GPX4: variants seen among roughly 807,000 people sequenced by gnomAD.
The protein encoded by GPX4 is phospholipid hydroperoxide glutathione peroxidase GPX4.
In GPX4, 28 loss-of-function variants were observed where a neutral mutation model predicts 27.8. The observed-to-expected ratio is 1.01, with a 90% CI of 0.75 to 1.38. GPX4 has a LOEUF of 1.38. Among genes scored for constraint, GPX4 ranks in the 40% most tolerant of loss-of-function variants. The pLI is 0.00. For synonymous variants in GPX4, 163 were observed against 107.8 expected, an observed-to-expected ratio of 1.51 and a Z score of -3.17; for missense variants, 357 against 274.1, an observed-to-expected ratio of 1.30 and a Z score of -2.14.
At chr19:1,106,515 C>T (rs761444591) in intron 6 of GPX4, 25 bp from the exon 7 acceptor site, 2 of 1,611,356 alleles carry the variant, frequency 1.2e-6, no homozygotes, top group Non-Finnish European at 1.7e-6. Flanking sequence ...GGTAGCTGCC[C>T]TAACCCAGCT....
rs567653875 is a variant in GPX4 at position 1,104,094 on chromosome 19, G to T, written c.51G>T (p.Gly17=). 6.6e-6 allele frequency: 10 copies of T among 1,510,992 alleles called. No homozygotes were observed. In the South Asian group the frequency reaches 7.4e-5, roughly 11 times the overall value. The allele number at this position is 1,510,992 out of a possible 1,614,324, so 93.6% of individuals were successfully genotyped here. A position where few individuals can be genotyped will look rare whatever the true frequency, so the allele number is the denominator to read the frequency against. Residue 17 remains glycine (G), a synonymous_variant, in exon 1 of 7, where the codon GGG becomes GGT. Transcript: ENST00000354171. ...CRLLKPALLC[G]ALAAPGLAGT... ...TACTGAAGCCGGCGCTGCTCTGTGG[G>T]GCTCTGGCCGCGCCTGGCCTGGCCG...
In GPX4 at chr19:1,105,475, A is replaced by G; in HGVS notation, c.289A>G (p.Ile97Val). The G allele has an allele frequency of 6.2e-7, 1 of 1,612,366 alleles. No homozygotes were observed. Among genetic ancestry groups the G allele is most frequent in the South Asian group, 1.1e-5 (1 of 91,076 alleles). ...CCGATACGCTGAGTGTGGTTTGCGGATCCTGGCCTTCCCGTGTAACCAGTT... is the reference window on the plus strand; with the variant it reads ...CCGATACGCTGAGTGTGGTTTGCGGGTCCTGGCCTTCCCGTGTAACCAGTT... ...HARYAECGLR[I>V]LAFPCNQFGK... Residue 97 changes from isoleucine (I) to valine (V), a missense_variant, in exon 3 of 7, where the codon ATC becomes GTC. Transcript: ENST00000354171.
In GPX4 at chr19:1,106,673, C is replaced by A; in HGVS notation, c.*101C>A. On this transcript the variant is annotated 3_prime_UTR_variant, in exon 7 of 7. Coordinates refer to ENST00000354171, the MANE Select transcript of GPX4 (RefSeq NM_002085.5). The stretch of plus-strand genomic sequence containing the variant: ...CCTGCAAACCTGCTGGTGGGGCAGA[C>A]CCGAAAATCCAGCGTGCACCCCGCC... 1 of 1,518,028 alleles carries A rather than the reference C, an allele frequency of 6.6e-7. No homozygotes were observed. The highest frequency in any genetic ancestry group is 9.0e-7 in the Non-Finnish European group (1 of 1,114,056). The allele number at this position is 1,518,028 out of a possible 1,614,324, so 94.0% of individuals were successfully genotyped here. A position where few individuals can be genotyped will look rare whatever the true frequency, so the allele number is the denominator to read the frequency against.
At chr19:1,104,892 G>C (rs368897080) in intron 1 of GPX4, 1 of 1,335,326 alleles carries the variant, frequency 7.5e-7, no homozygotes, top group African/African-American at 1.5e-5. Context: ...CGCAGCTTGC[G>C]ACCGGAGATC....
intron 1 of GPX4, chr19:1,104,531 G>C: frequency 1.5e-6 from 1 of 668,124 alleles, no homozygotes; most frequent in Non-Finnish European, 1.9e-6. Flanking sequence ...TCCGGGCCGA[G>C]CGGGGCTGCT....
rs953182136 is a variant in GPX4, at chr19:1,104,236, G to T, written c.84+109G>T. ...ACCCTCAGGCTCCAGTGACCTTGGT[G>T]GGGGGCGTCTGGGGGCTCCCCCTCC... On this transcript the variant is annotated intron_variant, in intron 1 of 6. Coordinates refer to ENST00000354171, the MANE Select transcript of GPX4 (RefSeq NM_002085.5). 1.2e-5 allele frequency: 12 copies of T among 998,228 alleles called. No individual in the cohort carries two copies. In the African/African-American group the frequency reaches 1.4e-4, roughly 11 times the overall value. The allele number at this position is 998,228 out of a possible 1,614,324, so 61.8% of individuals were successfully genotyped here. A position where few individuals can be genotyped will look rare whatever the true frequency, so the allele number is the denominator to read the frequency against.
In GPX4 at chr19:1,104,038, G is replaced by C; in HGVS notation, c.-6G>C. The C allele has an allele frequency of 6.6e-7, 1 of 1,518,720 alleles. No homozygotes were observed. The highest frequency in any genetic ancestry group is 8.8e-7 in the Non-Finnish European group (1 of 1,139,524). The allele number at this position is 1,518,720 out of a possible 1,614,324, so 94.1% of individuals were successfully genotyped here. ...GGAGGAGCCGCTGGCTCCCAGCCCCGCCGCGATGAGCCTCGGCCGCCTTTG... is the reference window on the plus strand; with the variant it reads ...GGAGGAGCCGCTGGCTCCCAGCCCCCCCGCGATGAGCCTCGGCCGCCTTTG... On this transcript the variant is annotated 5_prime_UTR_variant, in exon 1 of 7. Transcript: ENST00000354171.
chr19:1,105,572 G>T, intron 3 of GPX4, 62 bp downstream of exon 3: 1 of 1,601,176 alleles, frequency 6.2e-7, no homozygotes, highest in Non-Finnish European at 8.5e-7. Context: ...GTGGGCTCCA[G>T]CCTGGAGAGG....
chr19:1,105,609 C>T (rs2145167684), intron 3 of GPX4, 49 bp from the exon 4 acceptor site: 2 of 1,600,140 alleles, frequency 1.2e-6, no homozygotes, highest in East Asian at 2.2e-5. Flanking sequence ...GGGGCCCGGA[C>T]TGAGGGGGTG....
Position 1,105,450 on chromosome 19 carries a change from C to T in GPX4, c.264C>T (p.Ala88=), listed in dbSNP as rs575039682. The T allele has an allele frequency of 3.1e-5, 50 of 1,612,772 alleles. No individual in the cohort carries two copies. The East Asian group carries it at 1.0e-3, about 33-fold the overall frequency. Residue 88 remains alanine (A), a synonymous_variant, in exon 3 of 7, where the codon GCC becomes GCT. Transcript: ENST00000354171. ...VNYTQLVDLH[A]RYAECGLRIL... is the part of the protein sequence containing the mutation. ...ACACTCAGCTCGTCGACCTGCACGCCCGATACGCTGAGTGTGGTTTGCGGA... is the reference window on the plus strand; with the variant it reads ...ACACTCAGCTCGTCGACCTGCACGCTCGATACGCTGAGTGTGGTTTGCGGA...
At chr19:1,104,862 G>T in intron 1 of GPX4, 1 of 1,186,774 alleles carries the variant, frequency 8.4e-7, no homozygotes, top group South Asian at 2.4e-5. Flanking sequence ...GCGCGGCGCC[G>T]GCGGAAGAAG....
chr19:1,105,237 G>A lies in GPX4; in HGVS notation c.136G>A (p.Ala46Thr), dbSNP rs566974741. The A allele has an allele frequency of 2.5e-6, 4 of 1,613,074 alleles. No homozygotes were observed. In the East Asian group the frequency reaches 6.7e-5, roughly 27 times the overall value. Residue 46 changes from alanine to threonine, a missense_variant, in exon 2 of 7, where the codon GCC (alanine) becomes ACC (threonine). Coordinates refer to ENST00000354171, the MANE Select transcript of GPX4 (RefSeq NM_002085.5). ...TGCGCGCTCCATGCACGAGTTTTCC[G>A]CCAAGGACATCGACGGGCACATGGT... ...RCARSMHEFS[A>T]KDIDGHMVNL...
chr19:1,105,538 A>C, intron 3 of GPX4, 28 bp downstream of exon 3: 2 of 1,211,876 alleles, frequency 1.7e-6, no homozygotes, highest in Non-Finnish European at 2.3e-6. Context: ...CGGGGCCCGC[A>C]GAGGCGGGTG....
At position 1,106,653 on chromosome 19, in the gene GPX4, A is replaced by C; in HGVS notation, c.*81A>C. On this transcript the variant is annotated 3_prime_UTR_variant, in exon 7 of 7. Coordinates refer to ENST00000354171, the MANE Select transcript of GPX4 (RefSeq NM_002085.5). Reference sequence around the variant, plus strand: ...CCGGCACTCATGACGGCCTGCCTGCAAACCTGCTGGTGGGGCAGACCCGAA... The same window carrying C: ...CCGGCACTCATGACGGCCTGCCTGCCAACCTGCTGGTGGGGCAGACCCGAA... The C allele has an allele frequency of 1.3e-6, 2 of 1,585,132 alleles. No homozygotes were observed. The highest frequency in any genetic ancestry group is 1.7e-6 in the Non-Finnish European group (2 of 1,163,460).
In GPX4 at chr19:1,105,741, CG is replaced by C; in HGVS notation, c.412del (p.Asp138ThrfsTer?). ...ATATGTTCAGCAAGATCTGCGTGAACGGGGACGACGCCCACCCGCTGTGGAA... is the reference window on the plus strand; with the variant it reads ...ATATGTTCAGCAAGATCTGCGTGAACGGGACGACGCCCACCCGCTGTGGAA... The part of the protein sequence containing the change: ...FDMFSKICVN[G>X]DDAHPLWKWM... On this transcript the variant is annotated frameshift_variant, in exon 4 of 7. Transcript: ENST00000354171. LOFTEE classifies it high-confidence loss of function. 1 of 1,577,960 alleles carries C rather than the reference CG, an allele frequency of 6.3e-7. No individual in the cohort carries two copies. The highest frequency in any genetic ancestry group is 8.6e-7 in the Non-Finnish European group (1 of 1,159,542).
rs570421363 is a variant in GPX4, at chr19:1,104,326, G to C, written c.84+199G>C. The C allele has an allele frequency of 1.9e-5, 10 of 522,414 alleles. No individual in the cohort carries two copies. The East Asian group carries it at 3.6e-4, about 19-fold the overall frequency. 32.4% of individuals were successfully genotyped at this position (522,414 alleles called of 1,614,324 possible). ...GACGCGCTCCGCGGCCCTCCAGGCC[G>C]TTGTAGGCGCGCGGGCTGGGGTCGG... On this transcript the variant is annotated intron_variant, in intron 1 of 6. Coordinates refer to ENST00000354171, the MANE Select transcript of GPX4 (RefSeq NM_002085.5).
chr19:1,106,402 C>T lies in GPX4; in HGVS notation c.504C>T (p.Phe168=), dbSNP rs926712335. The change falls in exon 6 of 7, where the codon TTC becomes TTT. Residue 168 remains phenylalanine (F), a splice_region_variant and synonymous_variant. Coordinates refer to ENST00000354171, the MANE Select transcript of GPX4 (RefSeq NM_002085.5). ...GTTTGGACACCGTCTCTCCACAGTT[C>T]CTCATCGACAAGAACGGCTGCGTGG... The part of the protein sequence containing the change: ...GNAIKWNFTK[F]LIDKNGCVVK... The T allele has an allele frequency of 2.5e-6, 4 of 1,613,446 alleles. No homozygotes were observed. Among genetic ancestry groups the T allele is most frequent in the African/African-American group, 1.3e-5 (1 of 74,876 alleles).
intron 4 of GPX4, 80 bp downstream of exon 4, chr19:1,105,889 G>A (rs1362404771): frequency 7.0e-6 from 10 of 1,434,284 alleles, no homozygotes; most frequent in East Asian, 2.8e-5. Context: ...CCCTGGGGCA[G>A]AATGGCTCAT....
chr19:1,104,756 TC>T (rs1441960043), intron 1 of GPX4: 2 of 985,412 alleles, frequency 2.0e-6, no homozygotes. Context: ...GGGCGCAGGC[TC>T]CCCCGGGCGC....
Sources: gnomAD v4.1 joint callset for allele counts on GRCh38, gnomAD v4.1.1 for gene constraint, MANE v1.5 for transcripts, NCBI Gene and HGNC (gene_info 2026-07-23, HGNC 2026-07-21) for gene names.